Variants in GRIP1 observed in about 807,000 individuals in gnomAD.
GRIP1 encodes the protein glutamate receptor-interacting protein 1.
In GRIP1, 45 loss-of-function variants were observed where a neutral mutation model predicts 129.9. The observed-to-expected ratio is 0.35, with a 90% CI of 0.27 to 0.44. GRIP1 has a LOEUF of 0.44. Ranked by LOEUF, GRIP1 falls within the 20% of genes least tolerant of loss-of-function variation. GRIP1 has a pLI of 1.00. For missense variants in GRIP1, 1,196 were observed against 1,396.8 expected, an observed-to-expected ratio of 0.86 and a Z score of 2.29; for synonymous variants, 530 against 520.8, an observed-to-expected ratio of 1.02 and a Z score of -0.24.
intron 1 of GRIP1, among the ~76,000 whole-genome samples, chr12:66,770,653 A>G (rs2037788950): frequency 6.6e-6 from 1 of 152,226 alleles, no homozygotes; most frequent in Admixed American, 6.5e-5. Context: ...GAAGCTTGAA[A>G]AGGTAAGCCA....
chr12:66,644,574 A>G (rs537801078), intron 1 of GRIP1, among the ~76,000 whole-genome samples: 1 of 152,336 alleles, frequency 6.6e-6, no homozygotes, highest in South Asian at 2.1e-4. Context: ...TTGCACTTCA[A>G]TTGCACAGAT....
At chr12:66,416,605 G>C (rs993933712) in intron 15 of GRIP1, among the ~76,000 whole-genome samples, 1 of 152,102 alleles carries the variant, frequency 6.6e-6, no homozygotes, top group African/African-American at 2.4e-5. Flanking sequence ...AAATTCAAAG[G>C]ATCATTAGTG....
intron 1 of GRIP1, among the ~76,000 whole-genome samples, chr12:66,643,834 G>T (rs1357323138): frequency 6.6e-6 from 1 of 152,176 alleles, no homozygotes; most frequent in Non-Finnish European, 1.5e-5. Flanking sequence ...AAAGTGCTGG[G>T]ATTACAGGCA....
intron 1 of GRIP1, among the ~76,000 whole-genome samples, chr12:66,760,511 C>A (rs1047361865): frequency 6.6e-6 from 1 of 152,120 alleles, no homozygotes; most frequent in Non-Finnish European, 1.5e-5. Context: ...AAAGCAAAAG[C>A]AGAATTCCTT....
chr12:66,413,049 T>C (rs2057458461), intron 15 of GRIP1, among the ~76,000 whole-genome samples: 1 of 152,082 alleles, frequency 6.6e-6, no homozygotes, highest in South Asian at 2.1e-4. Context: ...AGACAGATCA[T>C]CGAGACAGAA....
At chr12:66,653,167 T>C (rs1178597544) in intron 1 of GRIP1, among the ~76,000 whole-genome samples, 1 of 152,226 alleles carries the variant, frequency 6.6e-6, no homozygotes, top group Non-Finnish European at 1.5e-5. Context: ...GCTCTCCGTT[T>C]CTACATACAA....
intron 1 of GRIP1, among the ~76,000 whole-genome samples, chr12:66,663,757 G>T (rs2033644752): frequency 6.6e-6 from 1 of 152,118 alleles, no homozygotes; most frequent in African/African-American, 2.4e-5. Flanking sequence ...GTCTAACTTT[G>T]TAAACAATAC....
In GRIP1 at chr12:66,785,360, A is replaced by ATATATATATATATATATG. The variant is rs1217294972; in HGVS notation, c.-420+18692_-420+18693insCATATATATATATATATA. On this transcript the variant is annotated intron_variant, in intron 1 of 4. Transcript: ENST00000538373. The stretch of plus-strand genomic sequence containing the variant: ...CATACATACATATATATATATATAT[A>ATATATATATATATATATG]TATTAGTTGGGCATGGTAGCACTTT... Among the ~76,000 whole-genome samples, 41 of 143,144 alleles carry ATATATATATATATATATG rather than the reference A, an allele frequency of 2.9e-4. 1 individual carries two copies. Among genetic ancestry groups the ATATATATATATATATATG allele is most frequent in the Non-Finnish European group, 6.0e-4 (39 of 65,492 alleles). 93.9% of individuals were successfully genotyped at this position (143,144 alleles called of 152,430 possible). A position where few individuals can be genotyped will look rare whatever the true frequency, so the allele number is the denominator to read the frequency against.
At chr12:66,494,975 T>C (rs1228661706) in intron 7 of GRIP1, among the ~76,000 whole-genome samples, 1 of 152,128 alleles carries the variant, frequency 6.6e-6, no homozygotes, top group Non-Finnish European at 1.5e-5. Flanking sequence ...AATGTATGTG[T>C]CCTAGGGTTG....
intron 19 of GRIP1, among the ~76,000 whole-genome samples, chr12:66,380,801 C>T (rs373335728): frequency 1.3e-5 from 2 of 152,154 alleles, no homozygotes; most frequent in Admixed American, 6.5e-5. Flanking sequence ...TCATCACATA[C>T]GCCTTCATCC....
At position 66,529,914 on chromosome 12, in the gene GRIP1, G is replaced by T. The variant is rs757314677; in HGVS notation, c.419C>A (p.Ser140Tyr). ...LEVEYELPPV[S>Y]VQGSSVIFRT... ...GAAAATAACACTTGATCCTTGCACA[G>T]CTGAATAAAGGAAAGAGAGAAGGAA... Residue 140 changes from serine to tyrosine, a missense_variant and splice_region_variant, in exon 5 of 25, where the codon TCT (serine) becomes TAT (tyrosine). By Grantham distance (144) the Ser-to-Tyr change is moderately radical. Around this residue, in one of 5 missense-constraint regions of GRIP1, gnomAD observed 217 missense variants for 224.8 expected, o/e 0.97. Transcript: ENST00000359742. 1 of 1,552,694 alleles carries T rather than the reference G, an allele frequency of 6.4e-7. No homozygotes were observed. Among genetic ancestry groups the T allele is most frequent in the East Asian group, 2.2e-5 (1 of 44,554 alleles).
chr12:66,816,802 T>TA (rs979574862), intron 1 of GRIP1, among the ~76,000 whole-genome samples: 2 of 152,116 alleles, frequency 1.3e-5, no homozygotes, highest in Non-Finnish European at 2.9e-5. Context: ...TACAGAATCT[T>TA]AAAGTCATTT....
intron 1 of GRIP1, among the ~76,000 whole-genome samples, chr12:66,660,355 T>G (rs17102792): frequency 0.018 from 2,744 of 152,262 alleles, 78 homozygotes; most frequent in African/African-American, 0.063. Context: ...GGAATATTTA[T>G]CAGATTGTTC....
chr12:67,016,350 T>G (rs1045192080), intron 1 of GRIP1, among the ~76,000 whole-genome samples: 9 of 152,272 alleles, frequency 5.9e-5, no homozygotes, highest in Admixed American at 5.9e-4. Flanking sequence ...GAACAGATAA[T>G]TCTGAAATAA....
At chr12:66,954,293 A>G (rs1396081965) in intron 1 of GRIP1, among the ~76,000 whole-genome samples, 1 of 152,230 alleles carries the variant, frequency 6.6e-6, no homozygotes. Context: ...ATTGCTGCAG[A>G]GTTCAGCAAT....
intron 1 of GRIP1, among the ~76,000 whole-genome samples, chr12:66,625,223 G>A (rs1406574753): frequency 6.6e-6 from 1 of 152,042 alleles, no homozygotes; most frequent in Non-Finnish European, 1.5e-5. Flanking sequence ...GCTTCATTTT[G>A]TTCTTAACCA....
chr12:66,616,740 G>A lies in GRIP1; in HGVS notation c.56-19813C>T, dbSNP rs1156250579. Among the ~76,000 whole-genome samples the A allele has an allele frequency of 3.3e-5, 5 of 152,186 alleles. No individual in the cohort carries two copies. In the South Asian group the frequency reaches 8.3e-4, roughly 25 times the overall value. On this transcript the variant is annotated intron_variant, in intron 1 of 24. Coordinates refer to ENST00000359742, the MANE Select transcript of GRIP1 (RefSeq NM_001366722.1). ...TCTCAGAACTTTAAAGCCAACCTAA[G>A]CAAAACCAACTGATAACTGATGGGA...
intron 7 of GRIP1, among the ~76,000 whole-genome samples, chr12:66,508,686 T>G (rs17102578): frequency 0.49 from 74,793 of 151,814 alleles, 18,979 homozygotes; most frequent in African/African-American, 0.63. Flanking sequence ...CCATCTTTAT[T>G]ATCAACTACA....
chr12:66,865,643 CCATT>C (rs1213884693), intron 1 of GRIP1, among the ~76,000 whole-genome samples: 5 of 152,038 alleles, frequency 3.3e-5, no homozygotes, highest in African/African-American at 9.7e-5. Flanking sequence ...ATCCACCCAC[CCATT>C]CATTCATCTA....
Sources: gnomAD v4.1 joint callset for allele counts (sites outside exome capture counted in the v4.1 genomes callset) on GRCh38, gnomAD v4.1.1 for gene constraint, gnomAD v4.1.1 regional missense constraint, MANE v1.5 for transcripts, NCBI Gene and HGNC (gene_info 2026-07-23, HGNC 2026-07-21) for gene names.